Variants in MTA3 observed in about 807,000 individuals in gnomAD.
The protein encoded by MTA3 is metastasis associated 1 family member 3.
In MTA3, 34 loss-of-function variants were observed where a neutral mutation model predicts 83.5. The ratio of observed to expected loss-of-function variants is 0.41; its 90% CI spans 0.31 to 0.54. MTA3 has a LOEUF of 0.54. Ranked by LOEUF, MTA3 falls within the 20% of genes least tolerant of loss-of-function variation. The pLI is 0.33. For missense variants in MTA3, 761 were observed against 726.4 expected (o/e 1.05, Z -0.55); for synonymous variants, 303 against 252.7 (o/e 1.20, Z -1.89).
intron 2 of MTA3, among the ~76,000 whole-genome samples, chr2:42,560,686 C>G (rs1262251564): frequency 6.6e-6 from 1 of 151,938 alleles, no homozygotes; most frequent in East Asian, 1.9e-4. Flanking sequence ...GGGCGGATCA[C>G]CTGAGGTCAG....
intron 3 of MTA3, among the ~76,000 whole-genome samples, chr2:42,583,002 CT>C (rs1457117738): frequency 6.6e-6 from 1 of 151,940 alleles, no homozygotes; most frequent in African/African-American, 2.4e-5. Context: ...TAGTGATTTC[CT>C]TTTTTTCTCA....
intron 4 of MTA3, among the ~76,000 whole-genome samples, chr2:42,614,606 G>C (rs542948713): frequency 5.3e-5 from 8 of 152,136 alleles, no homozygotes; most frequent in African/African-American, 1.9e-4. Context: ...TGCTCGGGCT[G>C]TTGTACTCAT....
At chr2:42,715,809 C>A (rs903741928) in intron 14 of MTA3, among the ~76,000 whole-genome samples, 15 of 152,082 alleles carry the variant, frequency 9.9e-5, no homozygotes, top group African/African-American at 3.4e-4. Context: ...TTTGGGTCAT[C>A]TAGACTGGAA....
intron 11 of MTA3, 26 bp from the exon 12 acceptor site, chr2:42,704,168 T>C (rs776177843): frequency 6.2e-7 from 1 of 1,609,590 alleles, no homozygotes; most frequent in Non-Finnish European, 8.5e-7. Context: ...AATCATTTTA[T>C]CACCTTATTT....
intron 2 of MTA3, among the ~76,000 whole-genome samples, chr2:42,548,831 T>TATATATATATAATATATATATATATA (rs1432956910): frequency 5.9e-4 from 5 of 8,534 alleles, no homozygotes; most frequent in Non-Finnish European, 1.2e-3. Flanking sequence ...ATATATATAA[T>TATATATATATAATATATATATATATA]ATATATATAT....
At chr2:42,579,295 T>G (rs112950591) in intron 3 of MTA3, 95 bp downstream of exon 3, 1 of 880,060 alleles carries the variant, frequency 1.1e-6, no homozygotes, top group African/African-American at 1.7e-5. Context: ...AGTCTTTTGC[T>G]TGTCCATTTA....
chr2:42,494,134 T>G (rs1224511624), upstream of MTA3: 6 of 153,054 alleles, frequency 3.9e-5, no homozygotes, highest in Admixed American at 3.3e-4. Context: ...CTCCCCGGCT[T>G]GCTCGGGCTG....
intron 6 of MTA3, among the ~76,000 whole-genome samples, chr2:42,645,218 A>G (rs975778212): frequency 4.0e-5 from 6 of 150,944 alleles, no homozygotes; most frequent in Non-Finnish European, 5.9e-5. Flanking sequence ...GTGAACACAC[A>G]TGAATGATAA....
At chr2:42,567,353 C>T (rs1283407936), upstream of MTA3, among the ~76,000 whole-genome samples, 1 of 152,118 alleles carries the variant, frequency 6.6e-6, no homozygotes, top group Non-Finnish European at 1.5e-5. Context: ...CAGCTATGCA[C>T]AGTTTTTTCA....
chr2:42,525,663 T>C (rs1438440866), intron 2 of MTA3, among the ~76,000 whole-genome samples: 1 of 150,996 alleles, frequency 6.6e-6, no homozygotes, highest in Non-Finnish European at 1.5e-5. Context: ...TCCTTCTTTC[T>C]TTCTTTCTTT....
chr2:42,510,285 C>T lies in MTA3; in HGVS notation c.-141+15031C>T, dbSNP rs963179824. Among the ~76,000 whole-genome samples the T allele has an allele frequency of 1.2e-4, 18 of 149,564 alleles. 1 individual carries two copies. The highest frequency in any genetic ancestry group is 2.1e-4 in the Non-Finnish European group (14 of 67,632). On this transcript the variant is annotated intron_variant, in intron 2 of 17. Transcript: ENST00000405592. ...AGGTTGCAGTGAGCTGAGATTGCAC[C>T]ACTGCTCTCCAGCCTGGGCGACTCA...
intron 3 of MTA3, among the ~76,000 whole-genome samples, chr2:42,608,986 C>T (rs1326647303): frequency 2.0e-5 from 3 of 151,210 alleles, no homozygotes; most frequent in African/African-American, 7.3e-5. Context: ...CTTTTGAGGC[C>T]CTGATAATTT....
Position 42,755,214 on chromosome 2 carries a change from G to C in MTA3, c.*1815G>C. On this transcript the variant is annotated 3_prime_UTR_variant, in exon 17 of 17. Transcript: ENST00000405094. ...TGTACCCTGCTCTGGATTTATTGTC[G>C]TACTTGGACCCAGAAGGGGAAATGA... 1.0e-6 allele frequency: 1 copy of C among 985,448 alleles called. No individual in the cohort carries two copies. 61.0% of individuals were successfully genotyped at this position (985,448 alleles called of 1,614,324 possible).
At chr2:42,518,664 A>G (rs1035105653) in intron 2 of MTA3, among the ~76,000 whole-genome samples, 3 of 150,864 alleles carry the variant, frequency 2.0e-5, no homozygotes, top group Non-Finnish European at 4.4e-5. Context: ...TAGATTGCTC[A>G]TAATGACTTC....
At chr2:42,634,817 T>C (rs1687028316) in intron 4 of MTA3, among the ~76,000 whole-genome samples, 1 of 152,206 alleles carries the variant, frequency 6.6e-6, no homozygotes, top group South Asian at 2.1e-4. Context: ...CTATTAATTT[T>C]TCAGTTTTAG....
At chr2:42,673,571 C>T (rs867350810) in intron 8 of MTA3, among the ~76,000 whole-genome samples, 1 of 152,040 alleles carries the variant, frequency 6.6e-6, no homozygotes, top group Non-Finnish European at 1.5e-5. Flanking sequence ...AGGTTGGGTT[C>T]CCTGGAAGCA....
chr2:42,597,502 C>T (rs1681952134), intron 3 of MTA3, among the ~76,000 whole-genome samples: 1 of 150,430 alleles, frequency 6.6e-6, no homozygotes, highest in African/African-American at 2.4e-5. Context: ...TCTCCTGCCT[C>T]AGCCTCCTGA....
rs115303142 is a variant in MTA3 at position 42,629,410 on chromosome 2, A to G, written c.318-10763A>G. On this transcript the variant is annotated intron_variant, in intron 4 of 16. Coordinates refer to ENST00000405094, the MANE Select transcript of MTA3 (RefSeq NM_001330442.2). The stretch of plus-strand genomic sequence containing the variant: ...GCAGTCTTTTTTTGTTTTCAGGACC[A>G]CAGAAAACTTATGACATGCCCTCTT... Among the ~76,000 whole-genome samples the G allele has an allele frequency of 4.4e-3, 666 of 152,192 alleles. 5 individuals carry two copies. Among genetic ancestry groups the G allele is most frequent in the African/African-American group, 0.015 (639 of 41,510 alleles).
intron 14 of MTA3, among the ~76,000 whole-genome samples, chr2:42,710,631 GTA>G (rs906153743): frequency 1.3e-5 from 2 of 150,746 alleles, no homozygotes; most frequent in African/African-American, 4.9e-5. Context: ...TTAGATTCAT[GTA>G]TATTTGAGAG....
Sources: allele counts gnomAD v4.1 joint callset (sites outside exome capture counted in the v4.1 genomes callset), GRCh38; gene constraint gnomAD v4.1.1; transcripts MANE v1.5; gene names NCBI Gene and HGNC (gene_info 2026-07-23, HGNC 2026-07-21).